The following DLEU7 variants were observed in gnomAD, a reference collection of about 807,000 sequenced individuals.
The protein encoded by DLEU7 is deleted in lymphocytic leukemia 7.
A neutral mutation model predicts 16.0 loss-of-function variants in DLEU7; 17 were observed. That is an observed-to-expected ratio of 1.06 (90% confidence interval 0.73 to 1.59). The LOEUF (loss-of-function observed/expected upper bound fraction) is 1.59, where lower values mean the gene tolerates loss of function less well. DLEU7 is among the 40% of genes most tolerant of loss of function. DLEU7 has a pLI of 0.00. For missense variants in DLEU7, 308 were observed against 314.9 expected, an observed-to-expected ratio of 0.98 and a Z score of 0.17; for synonymous variants, 113 against 139.8, an observed-to-expected ratio of 0.81 and a Z score of 1.35.
At chr13:50,741,956 T>C (rs1030367688) in intron 1 of DLEU7, among the ~76,000 whole-genome samples, 6 of 152,182 alleles carry the variant, frequency 3.9e-5, no homozygotes, top group African/African-American at 1.4e-4. Flanking sequence ...TATTATGTAT[T>C]GCAGCCAAAT....
At chr13:50,820,930 T>C (rs968651759), downstream of DLEU7, among the ~76,000 whole-genome samples, 5 of 152,066 alleles carry the variant, frequency 3.3e-5, no homozygotes, top group Admixed American at 2.6e-4. Context: ...TTTTTTTTAG[T>C]AATAAGTTTT....
intron 1 of DLEU7, among the ~76,000 whole-genome samples, chr13:50,792,992 C>A (rs568616): frequency 0.32 from 48,162 of 151,636 alleles, 7,725 homozygotes; most frequent in Middle Eastern, 0.4. Context: ...AATATAATAC[C>A]CCACAGGTAG....
intron 1 of DLEU7, among the ~76,000 whole-genome samples, chr13:50,759,330 C>T (rs1874856835): frequency 6.6e-6 from 1 of 152,136 alleles, no homozygotes; most frequent in Non-Finnish European, 1.5e-5. Context: ...GTCTTGGTTC[C>T]TTCATCTACT....
At chr13:50,743,489 C>G (rs1325601160) in intron 1 of DLEU7, among the ~76,000 whole-genome samples, 3 of 152,118 alleles carry the variant, frequency 2.0e-5, no homozygotes, top group Non-Finnish European at 4.4e-5. Context: ...GCATGTCGCT[C>G]AACCTTCAAG....
intron 1 of DLEU7, among the ~76,000 whole-genome samples, chr13:50,747,221 A>C (rs1212239390): frequency 6.6e-6 from 1 of 152,040 alleles, no homozygotes; most frequent in Non-Finnish European, 1.5e-5. Context: ...GCAGGTTGGG[A>C]AACTATATTG....
Position 50,823,372 on chromosome 13 carries a change from G to A in DLEU7, c.608C>T (p.Ala203Val). The A allele has an allele frequency of 1.3e-6, 2 of 1,535,866 alleles. No homozygotes were observed. The highest frequency in any genetic ancestry group is 1.7e-6 in the Non-Finnish European group (2 of 1,146,700). ...CAAGGAAGCACAGGCTACCATGTGG[G>A]CATCTGAAGGAAAATTAGCAAGTGA... ...IQSLANFPSD[A>V]HMVACASLRQ... The change falls in exon 2 of 2, where the codon GCC (alanine) becomes GTC (valine). Residue 203 changes from alanine to valine, a missense_variant. Physicochemically the swap from Ala to Val is moderately conservative, Grantham distance 64. Coordinates refer to ENST00000504404, the MANE Select transcript of DLEU7 (RefSeq NM_001306135.2).
intron 1 of DLEU7, among the ~76,000 whole-genome samples, chr13:50,729,552 A>G (rs180983524): frequency 1.5e-4 from 23 of 152,278 alleles, no homozygotes; most frequent in African/African-American, 5.5e-4. Flanking sequence ...TTACCTAATA[A>G]TGGGATTGCT....
chr13:50,733,832 C>T (rs976313762), intron 1 of DLEU7, among the ~76,000 whole-genome samples: 56 of 152,094 alleles, frequency 3.7e-4, no homozygotes, highest in African/African-American at 1.3e-3. Flanking sequence ...CACAACAAAC[C>T]TAGGATAGAC....
chr13:50,821,983 G>A (rs955687952), downstream of DLEU7, among the ~76,000 whole-genome samples: 1 of 152,034 alleles, frequency 6.6e-6, no homozygotes, highest in African/African-American at 2.4e-5. Flanking sequence ...CTAAGATCAA[G>A]TGAAGAAATA....
chr13:50,773,276 A>G (rs548807743), intron 1 of DLEU7, among the ~76,000 whole-genome samples: 3 of 152,162 alleles, frequency 2.0e-5, no homozygotes, highest in East Asian at 1.9e-4. Context: ...TTGTTAACCC[A>G]TCAAAGTCAT....
At chr13:50,813,316 A>G (rs1049748210) in intron 1 of DLEU7, among the ~76,000 whole-genome samples, 7 of 152,166 alleles carry the variant, frequency 4.6e-5, no homozygotes, top group African/African-American at 1.2e-4. Flanking sequence ...TCCAATATAT[A>G]TACACTTAGA....
At chr13:50,786,812 T>A (rs1180073205) in intron 1 of DLEU7, among the ~76,000 whole-genome samples, 2 of 152,164 alleles carry the variant, frequency 1.3e-5, no homozygotes, top group Non-Finnish European at 2.9e-5. Flanking sequence ...ACAGAAAATT[T>A]AACAGAGAAA....
intron 1 of DLEU7, among the ~76,000 whole-genome samples, chr13:50,731,957 A>G (rs891101698): frequency 6.6e-6 from 1 of 152,240 alleles, no homozygotes; most frequent in Admixed American, 6.5e-5. Flanking sequence ...TATTAATTGC[A>G]TAAAACTGAA....
At chr13:50,792,193 G>A (rs1041169806) in intron 1 of DLEU7, among the ~76,000 whole-genome samples, 1 of 151,972 alleles carries the variant, frequency 6.6e-6, no homozygotes, top group Non-Finnish European at 1.5e-5. Flanking sequence ...TTTCTTCATC[G>A]ATGCCAGTAT....
chr13:50,831,936 C>T (rs1877282524), intron 1 of DLEU7, among the ~76,000 whole-genome samples: 1 of 152,060 alleles, frequency 6.6e-6, no homozygotes, highest in South Asian at 2.1e-4. Flanking sequence ...GGATATTGGC[C>T]TGAAATTTTC....
At chr13:50,809,977 G>T (rs1593404213) in intron 1 of DLEU7, among the ~76,000 whole-genome samples, 1 of 151,602 alleles carries the variant, frequency 6.6e-6, no homozygotes, top group Non-Finnish European at 1.5e-5. Flanking sequence ...GCAGGGACAA[G>T]AACAGATCAA....
At chr13:50,774,007 G>A (rs999582276) in intron 1 of DLEU7, among the ~76,000 whole-genome samples, 16 of 152,178 alleles carry the variant, frequency 1.1e-4, no homozygotes, top group African/African-American at 3.4e-4. Context: ...CTGCTGCCCC[G>A]CAGTTCGATC....
chr13:50,782,794 T>C (rs571266160), intron 1 of DLEU7, among the ~76,000 whole-genome samples: 4 of 151,312 alleles, frequency 2.6e-5, no homozygotes, highest in Admixed American at 6.6e-5. Flanking sequence ...AAAAAAACTC[T>C]TCAGGATAAC....
chr13:50,790,280 A>T (rs571569474), intron 1 of DLEU7, among the ~76,000 whole-genome samples: 1 of 152,234 alleles, frequency 6.6e-6, no homozygotes, highest in South Asian at 2.1e-4. Flanking sequence ...CATTACTATC[A>T]ATATCTCTTT....
Sources: allele counts gnomAD v4.1 joint callset (sites outside exome capture counted in the v4.1 genomes callset), GRCh38; gene constraint gnomAD v4.1.1; transcripts MANE v1.5; gene names NCBI Gene and HGNC (gene_info 2026-07-23, HGNC 2026-07-21).